The following AGBL1 variants were observed in gnomAD, a reference collection of about 807,000 sequenced individuals.
The protein encoded by AGBL1 is AGBL carboxypeptidase 1, also known as cytosolic carboxypeptidase 4.
Under a neutral mutation model 118.9 loss-of-function variants are expected in AGBL1, and 130 were observed. The observed-to-expected ratio is 1.09, with a 90% CI of 0.95 to 1.26. AGBL1 has a LOEUF of 1.26. AGBL1 is among the 50% of genes most tolerant of loss of function. The probability of loss-of-function intolerance (pLI) is 0.00; values close to 1 mark genes in which losing one functional copy is unlikely to be tolerated. For missense variants in AGBL1, 1,584 were observed against 1,298.1 expected (o/e 1.22, Z -3.38); for synonymous variants, 555 against 478.9 (o/e 1.16, Z -2.08).
intron 17 of AGBL1, among the ~76,000 whole-genome samples, chr15:86,388,276 C>A (rs542719334): frequency 6.6e-6 from 1 of 152,222 alleles, no homozygotes; most frequent in African/African-American, 2.4e-5. Flanking sequence ...GACCACTTTT[C>A]TGCTTATTAG....
chr15:86,097,475 C>T (rs1795934417), intron 1 of AGBL1, among the ~76,000 whole-genome samples: 1 of 151,964 alleles, frequency 6.6e-6, no homozygotes. Context: ...ACATTGACTG[C>T]CACACACCCT....
chr15:86,569,267 C>CA (rs11291773), intron 21 of AGBL1, among the ~76,000 whole-genome samples: 2 of 151,340 alleles, frequency 1.3e-5, no homozygotes, highest in African/African-American at 2.4e-5. Flanking sequence ...CCCATCTCTA[C>CA]AAAAAAAATT....
At chr15:86,420,959 G>A (rs1011452190) in intron 18 of AGBL1, among the ~76,000 whole-genome samples, 1 of 152,218 alleles carries the variant, frequency 6.6e-6, no homozygotes, top group Non-Finnish European at 1.5e-5. Flanking sequence ...ATGGGACTAT[G>A]TGAAAAGATC....
intron 22 of AGBL1, among the ~76,000 whole-genome samples, chr15:86,844,738 C>G (rs2079294687): frequency 6.6e-6 from 1 of 152,026 alleles, no homozygotes; most frequent in African/African-American, 2.4e-5. Flanking sequence ...CAATTTTAAT[C>G]TTATATATCA....
chr15:86,520,142 G>A (rs1201302216), intron 18 of AGBL1, among the ~76,000 whole-genome samples: 1 of 152,280 alleles, frequency 6.6e-6, no homozygotes, highest in Middle Eastern at 3.4e-3. Flanking sequence ...AAATTAGGAT[G>A]AGGTAAGGAA....
intron 5 of AGBL1, among the ~76,000 whole-genome samples, chr15:86,191,665 C>G (rs1029087675): frequency 6.6e-6 from 1 of 152,016 alleles, no homozygotes; most frequent in Non-Finnish European, 1.5e-5. Flanking sequence ...CTTAGAAATC[C>G]TGGGTCAGGC....
At chr15:86,714,485 C>T in intron 22 of AGBL1, among the ~76,000 whole-genome samples, 1 of 152,100 alleles carries the variant, frequency 6.6e-6, no homozygotes, top group Non-Finnish European at 1.5e-5. Context: ...TTATCAAAGC[C>T]ATGTGTGTGT....
chr15:86,362,448 A>G (rs1382511506), intron 17 of AGBL1, among the ~76,000 whole-genome samples: 3 of 152,178 alleles, frequency 2.0e-5, no homozygotes, highest in Non-Finnish European at 2.9e-5. Context: ...GTTTCAACTC[A>G]AAGGACTCAC....
chr15:86,501,129 C>A (rs1242138525), intron 18 of AGBL1, among the ~76,000 whole-genome samples: 1 of 151,622 alleles, frequency 6.6e-6, no homozygotes, highest in South Asian at 2.1e-4. Context: ...ATTTCACCAG[C>A]AATATATATG....
At chr15:86,867,741 G>T (rs940936922) in intron 22 of AGBL1, among the ~76,000 whole-genome samples, 1 of 152,158 alleles carries the variant, frequency 6.6e-6, no homozygotes, top group Non-Finnish European at 1.5e-5. Flanking sequence ...AAAGAAGTAG[G>T]ATATATGTTG....
At chr15:86,587,940 T>C (rs1299152749) in intron 21 of AGBL1, among the ~76,000 whole-genome samples, 1 of 152,206 alleles carries the variant, frequency 6.6e-6, no homozygotes, top group African/African-American at 2.4e-5. Context: ...GAACCCAGAC[T>C]TGTCTTTTAG....
At chr15:87,009,896 C>CTAT (rs1471794935) in intron 24 of AGBL1, among the ~76,000 whole-genome samples, 4 of 152,220 alleles carry the variant, frequency 2.6e-5, no homozygotes, top group Non-Finnish European at 5.9e-5. Flanking sequence ...GCCTACACCC[C>CTAT]TATTTTATCA....
At chr15:86,107,004 C>T (rs544969173) in intron 1 of AGBL1, among the ~76,000 whole-genome samples, 2 of 152,094 alleles carry the variant, frequency 1.3e-5, no homozygotes, top group Non-Finnish European at 2.9e-5. Flanking sequence ...GAGTGACACA[C>T]GCCTGGAGGA....
chr15:86,881,247 T>C (rs528157954), intron 22 of AGBL1, among the ~76,000 whole-genome samples: 1 of 152,332 alleles, frequency 6.6e-6, no homozygotes, highest in East Asian at 1.9e-4. Flanking sequence ...ATAAAGTCTA[T>C]AGAAATCTGA....
At chr15:86,786,278 C>T (rs1375914557) in intron 22 of AGBL1, among the ~76,000 whole-genome samples, 1 of 151,926 alleles carries the variant, frequency 6.6e-6, no homozygotes, top group Non-Finnish European at 1.5e-5. Context: ...CACAACAGTC[C>T]CTAGAGTGTG....
At chr15:86,799,386 A>T (rs2078619053) in intron 22 of AGBL1, among the ~76,000 whole-genome samples, 1 of 152,118 alleles carries the variant, frequency 6.6e-6, no homozygotes, top group Admixed American at 6.6e-5. Flanking sequence ...GCACACAGAA[A>T]TTGCCCTTGC....
intron 22 of AGBL1, among the ~76,000 whole-genome samples, chr15:86,687,426 C>T (rs779426739): frequency 2.0e-4 from 30 of 152,114 alleles, no homozygotes; most frequent in Admixed American, 2.0e-4. Context: ...GACACAAATG[C>T]CCCCTACCCA....
chr15:86,809,335 T>G (rs752859530), intron 22 of AGBL1, among the ~76,000 whole-genome samples: 1 of 152,048 alleles, frequency 6.6e-6, no homozygotes, highest in African/African-American at 2.4e-5. Context: ...AGTCTTACTT[T>G]GATGACTCCT....
intron 22 of AGBL1, among the ~76,000 whole-genome samples, chr15:86,882,260 A>G (rs2079904862): frequency 6.6e-6 from 1 of 152,212 alleles, no homozygotes; most frequent in Non-Finnish European, 1.5e-5. Context: ...GTGGGGTGGT[A>G]TCCAAAATCT....
Sources: gnomAD v4.1 joint callset for allele counts (sites outside exome capture counted in the v4.1 genomes callset) on GRCh38, gnomAD v4.1.1 for gene constraint, MANE v1.5 for transcripts, NCBI Gene and HGNC (gene_info 2026-07-23, HGNC 2026-07-21) for gene names.